Variants in HADHB observed in about 807,000 individuals in gnomAD.
HADHB encodes the protein hydroxyacyl-CoA dehydrogenase trifunctional multienzyme complex subunit beta, also known as trifunctional enzyme subunit beta, mitochondrial.
A neutral mutation model predicts 61.9 loss-of-function variants in HADHB; 50 were observed. That is an observed-to-expected ratio of 0.81 (90% CI 0.64 to 1.02). The LOEUF (loss-of-function observed/expected upper bound fraction) is 1.02, where lower values mean the gene tolerates loss of function less well. Ranked by LOEUF, HADHB falls within the 50% of genes least tolerant of loss-of-function variation. The probability of loss-of-function intolerance (pLI) is 0.00; values close to 1 mark genes in which losing one functional copy is unlikely to be tolerated. For missense variants in HADHB, 504 were observed against 586.5 expected (o/e 0.86, Z 1.45); for synonymous variants, 191 against 201.6 (o/e 0.95, Z 0.45).
At chr2:26,273,100 A>G (rs932493365) in intron 5 of HADHB, among the ~76,000 whole-genome samples, 4 of 151,792 alleles carry the variant, frequency 2.6e-5, no homozygotes, top group African/African-American at 9.7e-5. Context: ...AAAAAAAAAA[A>G]GGAAACCAAG....
chr2:26,247,568 C>T (rs185898427), intron 1 of HADHB, among the ~76,000 whole-genome samples: 83 of 152,244 alleles, frequency 5.5e-4, no homozygotes, highest in Non-Finnish European at 9.7e-4. Context: ...GATGTACAGT[C>T]GGCCCTTGGT....
At chr2:26,283,457 G>C (rs1188010989) in intron 12 of HADHB, among the ~76,000 whole-genome samples, 1 of 152,166 alleles carries the variant, frequency 6.6e-6, no homozygotes, top group Non-Finnish European at 1.5e-5. Flanking sequence ...CCGAGAGGCA[G>C]AGCTTGCAGT....
At position 26,287,471 on chromosome 2, in the gene HADHB, A is replaced by G. The variant is rs150703419; in HGVS notation, c.1389+1900A>G. Among the ~76,000 whole-genome samples the G allele has an allele frequency of 1.7e-3, 255 of 152,298 alleles. 7 individuals carry two copies. Among genetic ancestry groups the G allele is most frequent in the African/African-American group, 5.7e-3 (238 of 41,566 alleles). On this transcript the variant is annotated intron_variant, in intron 15 of 15. Coordinates refer to ENST00000317799, the MANE Select transcript of HADHB (RefSeq NM_000183.3). ...CTCACGAGCATAGTGCGTAATCCACATAGGGTAATGTCTGCAGATTTGAGT... is the reference window on the plus strand; with the variant it reads ...CTCACGAGCATAGTGCGTAATCCACGTAGGGTAATGTCTGCAGATTTGAGT...
At chr2:26,263,839 C>G (rs903089927) in intron 4 of HADHB, among the ~76,000 whole-genome samples, 3 of 152,096 alleles carry the variant, frequency 2.0e-5, no homozygotes, top group African/African-American at 7.2e-5. Flanking sequence ...CATGGGCATT[C>G]TGAAGGGCCT....
At chr2:26,277,332 A>T (rs1395602747) in intron 7 of HADHB, among the ~76,000 whole-genome samples, 172 bp downstream of exon 7, 2 of 147,004 alleles carry the variant, frequency 1.4e-5, no homozygotes, top group Non-Finnish European at 3.0e-5. Flanking sequence ...CAAACTCTTG[A>T]GCTCAAGAGA....
At chr2:26,269,925 G>A (rs1672267797) in intron 4 of HADHB, 28 bp from the exon 5 acceptor site, 2 of 1,559,212 alleles carry the variant, frequency 1.3e-6, no homozygotes, top group Non-Finnish European at 1.8e-6. Context: ...TAGGGTTTTG[G>A]TTTAAATTAC....
chr2:26,257,879 C>T (rs934065680), intron 3 of HADHB, among the ~76,000 whole-genome samples: 1 of 151,866 alleles, frequency 6.6e-6, no homozygotes, highest in Non-Finnish European at 1.5e-5. Flanking sequence ...ATTAGCCGGG[C>T]GTGGTGGCGG....
intron 4 of HADHB, among the ~76,000 whole-genome samples, chr2:26,265,375 C>T (rs1216634575): frequency 6.6e-6 from 1 of 152,174 alleles, no homozygotes; most frequent in East Asian, 1.9e-4. Context: ...GCAGGTGGAT[C>T]ACCTGAGGTT....
chr2:26,276,506 T>C (rs1187945093), intron 6 of HADHB, among the ~76,000 whole-genome samples: 1 of 152,224 alleles, frequency 6.6e-6, no homozygotes, highest in African/African-American at 2.4e-5. Flanking sequence ...AGAAACCAGC[T>C]GGCAGTGAGC....
intron 7 of HADHB, 72 bp downstream of exon 7, chr2:26,277,232 A>AATT: frequency 1.9e-6 from 1 of 515,490 alleles, no homozygotes; most frequent in Non-Finnish European, 3.2e-6. Flanking sequence ...ATAAAAATGT[A>AATT]CTTTTTTTTT....
chr2:26,283,975 C>T, intron 12 of HADHB, 142 bp from the exon 13 acceptor site: 4 of 642,190 alleles, frequency 6.2e-6, no homozygotes, highest in East Asian at 5.5e-5. Context: ...TTATCTTTAA[C>T]ATTTCATTAA....
At chr2:26,278,241 C>A (rs1672630077) in intron 7 of HADHB, among the ~76,000 whole-genome samples, 1 of 152,238 alleles carries the variant, frequency 6.6e-6, no homozygotes, top group Non-Finnish European at 1.5e-5. Flanking sequence ...GCTGTAATTT[C>A]TCTGCTTTGC....
Position 26,278,609 on chromosome 2 carries a change from TG to T in HADHB, c.443-4del, listed in dbSNP as rs1672652379. On this transcript the variant is annotated splice_polypyrimidine_tract_variant and splice_region_variant and intron_variant, in intron 7 of 15. Transcript: ENST00000317799. ...TATTCATGAAGTATAACCTGTGCCC[TG>T]TAGGTGTTGGCTTGATTGCTTCTGG... is the stretch of plus-strand genomic sequence containing the variant. The T allele has an allele frequency of 1.9e-6, 3 of 1,611,794 alleles. No individual in the cohort carries two copies. The highest frequency in any genetic ancestry group is 1.6e-4 in the Middle Eastern group (1 of 6,076).
intron 4 of HADHB, among the ~76,000 whole-genome samples, chr2:26,268,721 A>G (rs1233603556): frequency 6.6e-6 from 1 of 152,224 alleles, no homozygotes; most frequent in African/African-American, 2.4e-5. Context: ...GAATCTTGGA[A>G]CAGAAAAAGG....
intron 3 of HADHB, among the ~76,000 whole-genome samples, chr2:26,255,636 G>A (rs1009538781): frequency 6.6e-6 from 1 of 151,950 alleles, no homozygotes; most frequent in African/African-American, 2.4e-5. Context: ...CCTGTGCTTG[G>A]TTTCTTCATC....
In HADHB at chr2:26,274,548, A is replaced by C. The variant is rs191394093; in HGVS notation, c.354+798A>C. On this transcript the variant is annotated intron_variant, in intron 6 of 15. Coordinates refer to ENST00000317799, the MANE Select transcript of HADHB (RefSeq NM_000183.3). ...CCTCTGTACCTGGCAGAAATGTTAG[A>C]ACTGCCAAAGGCCTGGCATGACTGA... Among the ~76,000 whole-genome samples the C allele has an allele frequency of 4.0e-3, 614 of 152,350 alleles. 2 individuals carry two copies. Among genetic ancestry groups the C allele is most frequent in the Non-Finnish European group, 6.2e-3 (420 of 68,038 alleles).
In HADHB at chr2:26,290,405, T is replaced by C. The variant is rs1673221531; in HGVS notation, c.*452T>C. 1 of 186,098 alleles carries C rather than the reference T, an allele frequency of 5.4e-6. No homozygotes were observed. The highest frequency in any genetic ancestry group is 1.1e-4 in the South Asian group (1 of 9,426). 11.5% of individuals were successfully genotyped at this position (186,098 alleles called of 1,614,324 possible). On this transcript the variant is annotated 3_prime_UTR_variant, in exon 16 of 16. Transcript: ENST00000317799. ...GAATCTAAACACCACTGAAAACTTA[T>C]AAAAAATGTTTAGATACATAAATAT...
chr2:26,285,458 C>T lies in HADHB; in HGVS notation c.1276C>T (p.Leu426=), dbSNP rs1213974225. 1 of 1,613,702 alleles carries T rather than the reference C, an allele frequency of 6.2e-7. No individual in the cohort carries two copies. The highest frequency in any genetic ancestry group is 2.2e-5 in the East Asian group (1 of 44,878). ...TAATAACTGGGGTGGATCTCTGTCC[C>T]TGGGACACCCATTTGGAGCCACTGG... The part of the protein sequence containing the change: ...KFNNWGGSLS[L]GHPFGATGCR... Residue 426 remains leucine, a synonymous_variant, in exon 15 of 16, where the codon CTG becomes TTG. Transcript: ENST00000317799.
chr2:26,284,316 C>A, intron 13 of HADHB, 112 bp downstream of exon 13: 1 of 771,680 alleles, frequency 1.3e-6, no homozygotes, highest in South Asian at 1.4e-5. Flanking sequence ...AGGAGTGGAC[C>A]TGCATATTTT....
Sources: gnomAD v4.1 joint callset for allele counts (sites outside exome capture counted in the v4.1 genomes callset) on GRCh38, gnomAD v4.1.1 for gene constraint, MANE v1.5 for transcripts, NCBI Gene and HGNC (gene_info 2026-07-23, HGNC 2026-07-21) for gene names.